Variants in SLCO5A1 observed in about 807,000 individuals in gnomAD.
SLCO5A1 encodes the protein organic anion transporter polypeptide-related protein 4.
Under a neutral mutation model 65.1 loss-of-function variants are expected in SLCO5A1, and 39 were observed. The observed-to-expected ratio is 0.60, with a 90% CI of 0.46 to 0.78. SLCO5A1 has a LOEUF of 0.78. Among genes scored for constraint, SLCO5A1 ranks in the 30% least tolerant of loss-of-function variants. SLCO5A1 has a pLI of 0.00. For synonymous variants in SLCO5A1, 438 were observed against 415.7 expected, an observed-to-expected ratio of 1.05 and a Z score of -0.65; for missense variants, 1,029 against 1,069.4, an observed-to-expected ratio of 0.96 and a Z score of 0.53.
At chr8:69,773,006 T>G in intron 2 of SLCO5A1, 1 of 980,138 alleles carries the variant, frequency 1.0e-6, no homozygotes, top group African/African-American at 1.8e-5. Flanking sequence ...TTATAATTAG[T>G]TGGGGAGGGA....
chr8:69,811,966 G>A (rs538641282), intron 2 of SLCO5A1, among the ~76,000 whole-genome samples: 3 of 152,326 alleles, frequency 2.0e-5, no homozygotes, highest in African/African-American at 7.2e-5. Flanking sequence ...GAGTATGCTA[G>A]CATCTGGATC....
chr8:69,808,735 A>G (rs1820111624), intron 2 of SLCO5A1, among the ~76,000 whole-genome samples: 2 of 152,228 alleles, frequency 1.3e-5, no homozygotes, highest in African/African-American at 4.8e-5. Flanking sequence ...GTCTTTAAAG[A>G]ATCGCCATGA....
chr8:69,794,652 T>G (rs1025495204), intron 2 of SLCO5A1: 3 of 323,488 alleles, frequency 9.3e-6, no homozygotes, highest in African/African-American at 2.2e-5. Flanking sequence ...TTTTTAGGAC[T>G]CTTTATGATA....
chr8:69,811,071 C>G (rs1820185299), intron 2 of SLCO5A1, among the ~76,000 whole-genome samples: 1 of 152,110 alleles, frequency 6.6e-6, no homozygotes, highest in South Asian at 2.1e-4. Flanking sequence ...AGTGCATGAG[C>G]CAACGTCTCA....
rs775765148 is a variant in SLCO5A1 at position 69,682,213 on chromosome 8, A to G, written c.1753T>C (p.Cys585Arg). 1 of 1,612,828 alleles carries G rather than the reference A, an allele frequency of 6.2e-7. No individual in the cohort carries two copies. The change falls in exon 7 of 10, where the codon TGT becomes CGT. Residue 585 changes from cysteine (C) to arginine (R), a missense_variant. Transcript: ENST00000260126. ...GTGCTAAGATTACCACTATTAACACAGCCAGCCAGACAAGGGTTAAAGTAT... is the reference window on the plus strand; with the variant it reads ...GTGCTAAGATTACCACTATTAACACGGCCAGCCAGACAAGGGTTAAAGTAT... ...ITYFNPCLAGCVNSGNLSTGI... is the reference protein window; with the variant it reads ...ITYFNPCLAGRVNSGNLSTGI...
intron 9 of SLCO5A1, among the ~76,000 whole-genome samples, chr8:69,675,886 T>C (rs952802072): frequency 1.3e-5 from 2 of 152,180 alleles, no homozygotes; most frequent in African/African-American, 2.4e-5. Context: ...AAAATAAGCT[T>C]GATGACAAAG....
rs1335778204 is a variant in SLCO5A1, at chr8:69,698,501, C to T, written c.1622+6530G>A. On this transcript the variant is annotated intron_variant, in intron 6 of 9. Transcript: ENST00000260126. ...GTGTATAAGCATTTCCTCTTCTCCA[C>T]AACCTTGACAGCATCTGTTATTTTA... Among the ~76,000 whole-genome samples the T allele has an allele frequency of 2.0e-5, 3 of 152,220 alleles. No homozygotes were observed. In the East Asian group the frequency reaches 5.8e-4, roughly 29 times the overall value.
chr8:69,716,498 A>G (rs1033142252), intron 5 of SLCO5A1, among the ~76,000 whole-genome samples: 2 of 152,198 alleles, frequency 1.3e-5, no homozygotes, highest in African/African-American at 4.8e-5. Flanking sequence ...ATCACAGATA[A>G]TAGTTGATTT....
In SLCO5A1 at chr8:69,714,055, A is replaced by G. The variant is rs551574503; in HGVS notation, c.1424-8826T>C. Among the ~76,000 whole-genome samples, 4 of 152,364 alleles carry G rather than the reference A, an allele frequency of 2.6e-5. No homozygotes were observed. The South Asian group carries it at 8.3e-4, about 32-fold the overall frequency. On this transcript the variant is annotated intron_variant, in intron 5 of 9. Transcript: ENST00000260126. Reference sequence around the variant, plus strand: ...TGATCTGAGAAGAGACAGCGCGATAAGTATACATTCTCACAAACTATAAAT... The same window carrying G: ...TGATCTGAGAAGAGACAGCGCGATAGGTATACATTCTCACAAACTATAAAT...
chr8:69,679,560 G>A lies in SLCO5A1; in HGVS notation c.1842C>T (p.Thr614=), dbSNP rs752233863. The change falls in exon 8 of 10, where the codon ACC becomes ACT. Residue 614 remains threonine, a synonymous_variant. Transcript: ENST00000260126. The part of the protein sequence containing the change: ...VQSRQVITPP[T]VGQRSQLRVV... ...CACGGAGCTGACTTCGCTGTCCCACGGTGGGTGGAGTGATCACTTGGCGAC... is the reference window on the plus strand; with the variant it reads ...CACGGAGCTGACTTCGCTGTCCCACAGTGGGTGGAGTGATCACTTGGCGAC... 11 of 1,614,062 alleles carry A rather than the reference G, an allele frequency of 6.8e-6. No homozygotes were observed. Among genetic ancestry groups the A allele is most frequent in the East Asian group, 6.7e-5 (3 of 44,896 alleles).
intron 5 of SLCO5A1, among the ~76,000 whole-genome samples, chr8:69,723,274 C>A (rs1815912488): frequency 6.6e-6 from 1 of 151,838 alleles, no homozygotes; most frequent in Non-Finnish European, 1.5e-5. Context: ...TTTTTTTAGA[C>A]AAGGTCTCAC....
intron 5 of SLCO5A1, among the ~76,000 whole-genome samples, chr8:69,714,324 C>A (rs1391620230): frequency 6.6e-6 from 1 of 152,204 alleles, no homozygotes; most frequent in Admixed American, 6.5e-5. Flanking sequence ...GGTAGCAAAT[C>A]CCTATTTGGA....
chr8:69,673,090 GA>G lies in SLCO5A1; in HGVS notation c.2325del (p.Leu777Ter). ...DGLQRRRQRE[F>X]PLSTVSERVG... ...ACTCTCTCACTCACGGTGCTCAGGG[GA>G]AATTCTCTCTGCCTCCGCCTCTGCA... On this transcript the variant is annotated frameshift_variant, in exon 10 of 10. Transcript: ENST00000260126. LOFTEE classifies it high-confidence loss of function. 1 of 1,614,224 alleles carries G rather than the reference GA, an allele frequency of 6.2e-7. No individual in the cohort carries two copies. Among genetic ancestry groups the G allele is most frequent in the Non-Finnish European group, 8.5e-7 (1 of 1,180,046 alleles).
At chr8:69,764,805 C>T (rs1473046408) in intron 2 of SLCO5A1, among the ~76,000 whole-genome samples, 2 of 152,108 alleles carry the variant, frequency 1.3e-5, no homozygotes, top group Non-Finnish European at 2.9e-5. Context: ...AATCATTCTC[C>T]CAAAATAGTT....
chr8:69,688,819 A>C (rs984191426), intron 6 of SLCO5A1, among the ~76,000 whole-genome samples: 2 of 152,100 alleles, frequency 1.3e-5, no homozygotes, highest in Admixed American at 1.3e-4. Flanking sequence ...TGTCTTTATA[A>C]CAGCATGATT....
chr8:69,828,504 A>C (rs1821020821), intron 2 of SLCO5A1, among the ~76,000 whole-genome samples: 1 of 151,976 alleles, frequency 6.6e-6, no homozygotes, highest in South Asian at 2.1e-4. Flanking sequence ...CGGGAGGCTG[A>C]GGCAGGAGAA....
chr8:69,675,310 G>A (rs145661391), intron 9 of SLCO5A1, among the ~76,000 whole-genome samples: 5 of 151,468 alleles, frequency 3.3e-5, no homozygotes, highest in South Asian at 2.1e-4. Context: ...GAGTAGTTGG[G>A]ATTACAGGTA....
chr8:69,759,604 A>T (rs1817673845), intron 3 of SLCO5A1, among the ~76,000 whole-genome samples: 1 of 152,186 alleles, frequency 6.6e-6, no homozygotes, highest in African/African-American at 2.4e-5. Flanking sequence ...ACCCAGGGGA[A>T]TATGGATTCA....
chr8:69,752,089 G>C (rs963150724), intron 4 of SLCO5A1, among the ~76,000 whole-genome samples: 1 of 152,112 alleles, frequency 6.6e-6, no homozygotes, highest in Non-Finnish European at 1.5e-5. Flanking sequence ...AAATTACCTA[G>C]GTGTGGTGGC....
Sources: gnomAD v4.1 joint callset for allele counts (sites outside exome capture counted in the v4.1 genomes callset) on GRCh38, gnomAD v4.1.1 for gene constraint, MANE v1.5 for transcripts, NCBI Gene and HGNC (gene_info 2026-07-23, HGNC 2026-07-21) for gene names.